The following SCARA3 variants were observed in gnomAD, a reference collection of about 807,000 sequenced individuals.
SCARA3 encodes scavenger receptor class A member 3, also known as cellular stress response gene protein.
SCARA3 carries 39 observed loss-of-function variants against 47.0 expected under a neutral mutation model. The ratio of observed to expected loss-of-function variants is 0.83; its 90% confidence interval spans 0.64 to 1.08. The LOEUF (loss-of-function observed/expected upper bound fraction) is 1.08. Among genes scored for constraint, SCARA3 ranks in the 50% least tolerant of loss-of-function variants. The pLI is 0.00. For missense variants in SCARA3, 724 were observed against 792.3 expected, an observed-to-expected ratio of 0.91 and a Z score of 1.04; for synonymous variants, 356 against 334.1, an observed-to-expected ratio of 1.07 and a Z score of -0.71.
intron 5 of SCARA3, among the ~76,000 whole-genome samples, chr8:27,667,043 G>A (rs1156795747): frequency 6.6e-6 from 1 of 152,150 alleles, no homozygotes; most frequent in Non-Finnish European, 1.5e-5. Flanking sequence ...GTGGCCTGAA[G>A]TGCCTTCCCT....
the SCARA3 span, among the ~76,000 whole-genome samples, chr8:27,685,163 A>G: frequency 6.6e-6 from 1 of 152,216 alleles, no homozygotes; most frequent in Non-Finnish European, 1.5e-5. Flanking sequence ...CATTAAAAGG[A>G]AATATTATGA....
chr8:27,639,595 C>T (rs546940462), intron 1 of SCARA3, among the ~76,000 whole-genome samples: 4 of 152,206 alleles, frequency 2.6e-5, no homozygotes, highest in South Asian at 2.1e-4. Context: ...ATAAAGGACA[C>T]GCGGTTGTGT....
chr8:27,675,138 G>A (rs1345254850), downstream of SCARA3, among the ~76,000 whole-genome samples: 4 of 152,232 alleles, frequency 2.6e-5, no homozygotes, highest in South Asian at 2.1e-4. Flanking sequence ...TCACCCTGGC[G>A]ACCTCACCAC....
chr8:27,696,229 C>T, the SCARA3 span, among the ~76,000 whole-genome samples: 4 of 151,864 alleles, frequency 2.6e-5, no homozygotes, highest in East Asian at 1.9e-4. Context: ...AGGCTGGTCT[C>T]GAGCTCCTGG....
chr8:27,658,658 C>T lies in SCARA3; in HGVS notation c.488C>T (p.Thr163Ile), dbSNP rs778597442. 5 of 1,614,080 alleles carry T rather than the reference C, an allele frequency of 3.1e-6. No homozygotes were observed. Among genetic ancestry groups the T allele is most frequent in the East Asian group, 4.5e-5 (2 of 44,856 alleles). ...CAGGCCCAGGAGGTGCTCTCCACCA[C>T]CAGCAGACAAATCTCCCAGGAGATG... Reference protein sequence around the residue: ...TLQAQEVLSTTSRQISQEMGS... With the variant: ...TLQAQEVLSTISRQISQEMGS... Residue 163 changes from threonine to isoleucine, a missense_variant, in exon 5 of 6, where the codon ACC becomes ATC. By Grantham distance (89) the Thr-to-Ile change is moderately conservative. Transcript: ENST00000301904.
chr8:27,709,670 A>G, the SCARA3 span, among the ~76,000 whole-genome samples: 6 of 152,170 alleles, frequency 3.9e-5, no homozygotes, highest in African/African-American at 1.4e-4. Flanking sequence ...CTGGCTTCCC[A>G]AGATGCCCAG....
At chr8:27,637,732 A>G (rs1053916870) in intron 1 of SCARA3, among the ~76,000 whole-genome samples, 4 of 151,928 alleles carry the variant, frequency 2.6e-5, no homozygotes, top group African/African-American at 9.7e-5. Flanking sequence ...AGAATCAGAG[A>G]GCAGTGCCCA....
chr8:27,718,175 C>T, the SCARA3 span, among the ~76,000 whole-genome samples: 1 of 152,234 alleles, frequency 6.6e-6, no homozygotes, highest in African/African-American at 2.4e-5. Context: ...TCAAAAGCTA[C>T]CTTCTCTGTG....
chr8:27,720,164 G>A, the SCARA3 span, among the ~76,000 whole-genome samples: 11 of 150,634 alleles, frequency 7.3e-5, no homozygotes, highest in Non-Finnish European at 1.6e-4. Context: ...CTGGGTGCTC[G>A]AAAGCTAGGT....
At chr8:27,640,260 G>A (rs939736275) in intron 1 of SCARA3, among the ~76,000 whole-genome samples, 1 of 152,116 alleles carries the variant, frequency 6.6e-6, no homozygotes, top group African/African-American at 2.4e-5. Context: ...TCACTCACGT[G>A]AACTCCTGCC....
chr8:27,703,141 T>C, the SCARA3 span: 1 of 152,338 alleles, frequency 6.6e-6, no homozygotes, highest in Non-Finnish European at 1.5e-5. Flanking sequence ...CCACGGAAAC[T>C]TGGCCACAAG....
At chr8:27,726,065 G>A in the SCARA3 span, among the ~76,000 whole-genome samples, 1 of 152,160 alleles carries the variant, frequency 6.6e-6, no homozygotes, top group Non-Finnish European at 1.5e-5. Context: ...GTCACAGTTA[G>A]GTCAGCTAAG....
chr8:27,687,249 G>T, the SCARA3 span, among the ~76,000 whole-genome samples: 3 of 152,200 alleles, frequency 2.0e-5, no homozygotes, highest in African/African-American at 7.2e-5. Flanking sequence ...GCCTGGAGTT[G>T]TTGTGGCCAT....
At chr8:27,727,234 C>T in the SCARA3 span, among the ~76,000 whole-genome samples, 7 of 152,136 alleles carry the variant, frequency 4.6e-5, no homozygotes, top group Non-Finnish European at 8.8e-5. Context: ...GAGATCAACA[C>T]GTAGTATTGG....
At chr8:27,674,876 G>T (rs1436929487), downstream of SCARA3, among the ~76,000 whole-genome samples, 1 of 151,754 alleles carries the variant, frequency 6.6e-6, no homozygotes, top group Non-Finnish European at 1.5e-5. Context: ...CTACAGGCGT[G>T]CACCACCATG....
chr8:27,634,766 G>A (rs912503273), intron 1 of SCARA3, among the ~76,000 whole-genome samples: 3 of 152,184 alleles, frequency 2.0e-5, no homozygotes, highest in African/African-American at 4.8e-5. Context: ...AAGCCGCCGG[G>A]GAAGCCCCAT....
chr8:27,643,096 G>A (rs1035942848), intron 1 of SCARA3, among the ~76,000 whole-genome samples: 4 of 152,212 alleles, frequency 2.6e-5, no homozygotes, highest in Admixed American at 6.5e-5. Context: ...GGCCTTTAGC[G>A]GGCAAGGCCA....
the SCARA3 span, among the ~76,000 whole-genome samples, chr8:27,690,024 A>T: frequency 1.3e-5 from 2 of 152,192 alleles, no homozygotes; most frequent in African/African-American, 4.8e-5. Context: ...AAATATCTGT[A>T]TCTGTTATTC....
chr8:27,659,716 GGT>G (rs1801850515), intron 5 of SCARA3, among the ~76,000 whole-genome samples, 177 bp downstream of exon 5: 1 of 151,972 alleles, frequency 6.6e-6, no homozygotes, highest in Admixed American at 6.6e-5. Context: ...CAGGCATGGT[GGT>G]GTGTACCTAT....
Sources: gnomAD v4.1 joint callset for allele counts (sites outside exome capture counted in the v4.1 genomes callset) on GRCh38, gnomAD v4.1.1 for gene constraint, MANE v1.5 for transcripts, NCBI Gene and HGNC (gene_info 2026-07-23, HGNC 2026-07-21) for gene names.